The following SLC44A5 variants were observed in gnomAD, a reference collection of about 807,000 sequenced individuals.
SLC44A5 encodes the protein choline transporter-like protein 5.
In SLC44A5, 57 loss-of-function variants were observed where a neutral mutation model predicts 101.8. The ratio of observed to expected loss-of-function variants is 0.56; its 90% CI spans 0.45 to 0.70. SLC44A5 has a LOEUF of 0.70. SLC44A5 is among the 30% of genes least tolerant of loss of function. The pLI, the probability that SLC44A5 is intolerant of heterozygous loss-of-function variation, is 0.00. For missense variants in SLC44A5, 737 were observed against 853.1 expected, an observed-to-expected ratio of 0.86 and a Z score of 1.70; for synonymous variants, 281 against 290.9, an observed-to-expected ratio of 0.97 and a Z score of 0.35.
chr1:75,593,222 G>C (rs1347919118), intron 1 of SLC44A5, among the ~76,000 whole-genome samples: 127 of 152,020 alleles, frequency 8.4e-4, no homozygotes, highest in Non-Finnish European at 2.5e-4. Context: ...TGGCAAACAG[G>C]CATATGAAAA....
chr1:75,618,683 A>T, the SLC44A5 span, among the ~76,000 whole-genome samples: 1 of 152,226 alleles, frequency 6.6e-6, no homozygotes, highest in African/African-American at 2.4e-5. Flanking sequence ...CCTCAGCTAC[A>T]AACCTGTGTA....
intron 5 of SLC44A5, among the ~76,000 whole-genome samples, chr1:75,287,471 G>A (rs1375874776): frequency 1.1e-5 from 1 of 89,864 alleles, no homozygotes; most frequent in Non-Finnish European, 2.0e-5. Flanking sequence ...GACTTGGTTT[G>A]GATCCATTGC....
chr1:75,391,326 C>A (rs148463542), intron 3 of SLC44A5, among the ~76,000 whole-genome samples: 2 of 152,116 alleles, frequency 1.3e-5, no homozygotes, highest in Non-Finnish European at 2.9e-5. Flanking sequence ...CCACCAACAC[C>A]ATTTTTTGCA....
At chr1:75,632,111 C>G in the SLC44A5 span, among the ~76,000 whole-genome samples, 1 of 152,166 alleles carries the variant, frequency 6.6e-6, no homozygotes, top group Non-Finnish European at 1.5e-5. Flanking sequence ...ATAAGGCTAC[C>G]TTTTCCATGA....
intron 4 of SLC44A5, among the ~76,000 whole-genome samples, chr1:75,316,789 A>G (rs1002519239): frequency 3.3e-5 from 5 of 152,094 alleles, no homozygotes; most frequent in African/African-American, 1.2e-4. Flanking sequence ...TGGGTAATGT[A>G]TTTGTTCTTA....
At chr1:75,424,352 C>T (rs1463982871) in intron 2 of SLC44A5, among the ~76,000 whole-genome samples, 1 of 152,160 alleles carries the variant, frequency 6.6e-6, no homozygotes, top group East Asian at 1.9e-4. Context: ...GTCACCCAGG[C>T]TGGAGTGCAG....
chr1:75,464,016 A>G (rs755439882), intron 2 of SLC44A5, among the ~76,000 whole-genome samples: 77 of 152,180 alleles, frequency 5.1e-4, no homozygotes, highest in Non-Finnish European at 1.0e-3. Context: ...AGGTCAGGAA[A>G]TCAAGATCAT....
intron 2 of SLC44A5, among the ~76,000 whole-genome samples, chr1:75,476,773 C>T (rs938180410): frequency 6.6e-6 from 1 of 152,258 alleles, no homozygotes; most frequent in Non-Finnish European, 1.5e-5. Context: ...TGGAGCCCAC[C>T]ACAGCTCAAG....
At chr1:75,542,714 A>G (rs150588066) in intron 1 of SLC44A5, among the ~76,000 whole-genome samples, 15 of 152,276 alleles carry the variant, frequency 9.9e-5, no homozygotes, top group African/African-American at 3.6e-4. Flanking sequence ...AGTTATGTAA[A>G]GCTTACATAT....
the SLC44A5 span, among the ~76,000 whole-genome samples, chr1:75,673,864 G>A: frequency 6.6e-6 from 1 of 152,136 alleles, no homozygotes; most frequent in Non-Finnish European, 1.5e-5. Flanking sequence ...TGAGCTTGGG[G>A]TCTCATAATG....
At chr1:75,686,956 T>A in the SLC44A5 span, among the ~76,000 whole-genome samples, 1 of 152,224 alleles carries the variant, frequency 6.6e-6, no homozygotes, top group Non-Finnish European at 1.5e-5. Flanking sequence ...TTGTTTAATC[T>A]GAACAATGTG....
intron 6 of SLC44A5, among the ~76,000 whole-genome samples, chr1:75,254,064 T>G (rs1225810510): frequency 6.6e-6 from 1 of 151,966 alleles, no homozygotes; most frequent in Non-Finnish European, 1.5e-5. Flanking sequence ...TTTAGACGGT[T>G]TCTCACTCTT....
At chr1:75,626,899 G>A in the SLC44A5 span, among the ~76,000 whole-genome samples, 8 of 151,900 alleles carry the variant, frequency 5.3e-5, no homozygotes, top group African/African-American at 1.5e-4. Flanking sequence ...AAAGTTCTCC[G>A]CTACCTGGCA....
At chr1:75,654,615 T>C in the SLC44A5 span, among the ~76,000 whole-genome samples, 74,643 of 151,928 alleles carry the variant, frequency 0.49, 19,587 homozygotes, top group East Asian at 0.93. Flanking sequence ...TGATTTTAGG[T>C]GTAAATGAGC....
chr1:75,390,877 C>G (rs558738784), intron 3 of SLC44A5, among the ~76,000 whole-genome samples: 19 of 152,102 alleles, frequency 1.2e-4, no homozygotes, highest in Admixed American at 9.8e-4. Context: ...CAAAACGGAT[C>G]TAAATAGGAA....
At chr1:75,442,315 A>T (rs2101629950) in intron 2 of SLC44A5, among the ~76,000 whole-genome samples, 1 of 152,312 alleles carries the variant, frequency 6.6e-6, no homozygotes, top group East Asian at 1.9e-4. Flanking sequence ...ACTATTCAGG[A>T]GACTACTGCA....
the SLC44A5 span, chr1:75,677,811 C>T: frequency 3.9e-5 from 16 of 406,456 alleles, no homozygotes; most frequent in Middle Eastern, 3.6e-4. Flanking sequence ...GCCTGAGCGA[C>T]GCAGAAGATG....
At chr1:75,354,937 C>A (rs1442074713) in intron 3 of SLC44A5, among the ~76,000 whole-genome samples, 1 of 152,142 alleles carries the variant, frequency 6.6e-6, no homozygotes, top group Non-Finnish European at 1.5e-5. Flanking sequence ...GGGTCCACTA[C>A]CTTCTTCTAC....
At chr1:75,638,207 T>C in the SLC44A5 span, among the ~76,000 whole-genome samples, 1 of 152,078 alleles carries the variant, frequency 6.6e-6, no homozygotes, top group African/African-American at 2.4e-5. Flanking sequence ...TATTAGAAGC[T>C]AATAGTACGA....
Sources: allele counts gnomAD v4.1 joint callset (sites outside exome capture counted in the v4.1 genomes callset), GRCh38; gene constraint gnomAD v4.1.1; transcripts MANE v1.5; gene names NCBI Gene and HGNC (gene_info 2026-07-23, HGNC 2026-07-21).